The following LAMA3 variants were observed in gnomAD, a reference collection of about 807,000 sequenced individuals.
LAMA3 encodes the protein laminin subunit alpha 3.
A neutral mutation model predicts 402.0 loss-of-function variants in LAMA3; 281 were observed. The observed-to-expected ratio is 0.70, with a 90% confidence interval of 0.63 to 0.77. LAMA3 has a LOEUF of 0.77. LAMA3 is among the 30% of genes least tolerant of loss of function. LAMA3 has a pLI of 0.00. For synonymous variants in LAMA3, 1,431 were observed against 1,558.4 expected (o/e 0.92, Z 1.93); for missense variants, 3,840 against 4,215.5 (o/e 0.91, Z 2.47).
At chr18:23,908,326 C>T (rs577474141) in intron 54 of LAMA3, among the ~76,000 whole-genome samples, 1 of 151,862 alleles carries the variant, frequency 6.6e-6, no homozygotes, top group South Asian at 2.1e-4. Context: ...GTCAGGAGAT[C>T]GAGACCATCC....
chr18:23,830,754 C>T (rs1054320953), intron 23 of LAMA3, among the ~76,000 whole-genome samples: 1 of 152,144 alleles, frequency 6.6e-6, no homozygotes, highest in Non-Finnish European at 1.5e-5. Flanking sequence ...AGTCCTAGGC[C>T]TTATTACTCT....
chr18:23,705,995 A>T (rs2060882383), intron 1 of LAMA3, among the ~76,000 whole-genome samples: 4 of 152,148 alleles, frequency 2.6e-5, no homozygotes, highest in Admixed American at 1.3e-4. Flanking sequence ...CTTTTTTAGT[A>T]TAGTTTTTAT....
chr18:23,753,876 G>T, intron 6 of LAMA3, 64 bp downstream of exon 6: 1 of 1,061,590 alleles, frequency 9.4e-7, no homozygotes, highest in Non-Finnish European at 1.5e-6. Flanking sequence ...TTCAGTGGAT[G>T]TTTGCATCCC....
chr18:23,696,979 T>C (rs1472964435), intron 1 of LAMA3, among the ~76,000 whole-genome samples: 1 of 152,146 alleles, frequency 6.6e-6, no homozygotes. Context: ...CTTAAGAAAA[T>C]TGTAGCTGAA....
chr18:23,925,770 G>A (rs2081985643), intron 62 of LAMA3, among the ~76,000 whole-genome samples: 1 of 152,160 alleles, frequency 6.6e-6, no homozygotes. Context: ...AAGGTAACAA[G>A]AATCCCCCCA....
chr18:23,908,533 CAAAA>C (rs111961159), intron 54 of LAMA3, among the ~76,000 whole-genome samples: 9 of 57,042 alleles, frequency 1.6e-4, no homozygotes, highest in Middle Eastern at 0.01. Flanking sequence ...CCATCTCAAA[CAAAA>C]AAAAAAAAAA....
intron 2 of LAMA3, among the ~76,000 whole-genome samples, chr18:23,719,524 A>G (rs921851604): frequency 6.6e-6 from 1 of 152,184 alleles, no homozygotes; most frequent in Non-Finnish European, 1.5e-5. Flanking sequence ...AAAAATATTA[A>G]TAGGTCACAG....
intron 14 of LAMA3, among the ~76,000 whole-genome samples, chr18:23,813,454 G>A (rs1457288644): frequency 1.3e-5 from 2 of 150,834 alleles, no homozygotes; most frequent in Non-Finnish European, 3.0e-5. Context: ...ATTAAATAAA[G>A]TTGGCTGTGT....
At chr18:23,751,474 G>A (rs1243164551) in intron 5 of LAMA3, among the ~76,000 whole-genome samples, 2 of 152,112 alleles carry the variant, frequency 1.3e-5, no homozygotes, top group African/African-American at 4.8e-5. Context: ...AGTAATTCAG[G>A]GAAGCAGGTT....
chr18:23,872,514 C>G (rs2064557772), intron 38 of LAMA3, among the ~76,000 whole-genome samples: 1 of 152,180 alleles, frequency 6.6e-6, no homozygotes, highest in Admixed American at 6.5e-5. Context: ...CTTTCACTTT[C>G]TTTCCTGGCC....
intron 56 of LAMA3, 140 bp downstream of exon 56, chr18:23,913,021 A>G: frequency 1.2e-6 from 1 of 811,444 alleles, no homozygotes; most frequent in Non-Finnish European, 2.1e-6. Flanking sequence ...AAATCCCTCC[A>G]GCTTCCTCCC....
At chr18:23,747,358 C>T (rs568167607) in intron 2 of LAMA3, among the ~76,000 whole-genome samples, 1 of 152,252 alleles carries the variant, frequency 6.6e-6, no homozygotes, top group Admixed American at 6.5e-5. Context: ...TTTGCATCAT[C>T]CTGGCCATGG....
intron 2 of LAMA3, among the ~76,000 whole-genome samples, chr18:23,714,361 A>T (rs1342378101): frequency 1.3e-5 from 2 of 152,052 alleles, no homozygotes; most frequent in African/African-American, 2.4e-5. Context: ...CTCTACTACA[A>T]ATACAAAAAT....
At chr18:23,851,104 G>T (rs2063933514) in intron 32 of LAMA3, among the ~76,000 whole-genome samples, 1 of 152,234 alleles carries the variant, frequency 6.6e-6, no homozygotes, top group African/African-American at 2.4e-5. Flanking sequence ...CTTCCAGCTA[G>T]GCATCAATTC....
At chr18:23,912,038 G>A (rs1226404785) in intron 55 of LAMA3, among the ~76,000 whole-genome samples, 1 of 141,320 alleles carries the variant, frequency 7.1e-6, no homozygotes, top group African/African-American at 2.6e-5. Context: ...TATATAAATT[G>A]TATATTAATA....
intron 1 of LAMA3, among the ~76,000 whole-genome samples, chr18:23,706,333 T>C (rs761611867): frequency 2.6e-5 from 4 of 152,204 alleles, no homozygotes; most frequent in Non-Finnish European, 4.4e-5. Context: ...CTTTTTGGTT[T>C]ATGAGTTTGA....
At chr18:23,932,853 C>T (rs1201379217) in intron 66 of LAMA3, among the ~76,000 whole-genome samples, 1 of 152,146 alleles carries the variant, frequency 6.6e-6, no homozygotes, top group Non-Finnish European at 1.5e-5. Flanking sequence ...GGCTGGAATT[C>T]TCAGGCTACC....
At position 23,827,207 on chromosome 18, in the gene LAMA3, T is replaced by C. The variant is rs150479590; in HGVS notation, c.2670-107T>C. On this transcript the variant is annotated intron_variant, in intron 22 of 74. Transcript: ENST00000313654. ...TAAGAGTTTATTGAAGGATGATGAA[T>C]GAATGAGTGAACTGAATGACTGAGA... 8.6e-6 allele frequency: 10 copies of C among 1,160,958 alleles called. No individual in the cohort carries two copies. The East Asian group carries it at 2.1e-4, about 24-fold the overall frequency. The allele number at this position is 1,160,958 out of a possible 1,614,324, so 71.9% of individuals were successfully genotyped here. A position where few individuals can be genotyped will look rare whatever the true frequency, so the allele number is the denominator to read the frequency against.
At chr18:23,828,938 T>C (rs2063440744) in intron 23 of LAMA3, among the ~76,000 whole-genome samples, 1 of 152,246 alleles carries the variant, frequency 6.6e-6, no homozygotes, top group African/African-American at 2.4e-5. Flanking sequence ...ATTTAGCTTT[T>C]TTAGTATCCT....
Sources: allele counts gnomAD v4.1 joint callset (sites outside exome capture counted in the v4.1 genomes callset), GRCh38; gene constraint gnomAD v4.1.1; transcripts MANE v1.5; gene names NCBI Gene and HGNC (gene_info 2026-07-23, HGNC 2026-07-21).